The following PPFIBP1 variants were observed in gnomAD, a reference collection of about 807,000 sequenced individuals.
PPFIBP1 encodes the protein PPFIB scaffold protein 1.
A neutral mutation model predicts 137.8 loss-of-function variants in PPFIBP1; 112 were observed. That is an observed-to-expected ratio of 0.81 (90% CI 0.70 to 0.95). The LOEUF (loss-of-function observed/expected upper bound fraction) is 0.95. Among genes scored for constraint, PPFIBP1 ranks in the 40% least tolerant of loss-of-function variants. The pLI is 0.00. For synonymous variants in PPFIBP1, 378 were observed against 417.3 expected, an observed-to-expected ratio of 0.91 and a Z score of 1.15; for missense variants, 1,083 against 1,196.6, an observed-to-expected ratio of 0.91 and a Z score of 1.40.
intron 2 of PPFIBP1, chr12:27,593,954 G>C: frequency 1.4e-6 from 2 of 1,456,520 alleles, no homozygotes; most frequent in Admixed American, 2.6e-5. Flanking sequence ...GTCCTCACAG[G>C]GGAAATAGCC....
intron 1 of PPFIBP1, among the ~76,000 whole-genome samples, chr12:27,526,994 TTAAC>T (rs1943831376): frequency 6.6e-6 from 1 of 152,158 alleles, no homozygotes; most frequent in Admixed American, 6.5e-5. Context: ...GGACAGTTAA[TTAAC>T]TGTTTATGTA....
At chr12:27,543,208 G>A (rs1341270455) in intron 1 of PPFIBP1, among the ~76,000 whole-genome samples, 1 of 152,120 alleles carries the variant, frequency 6.6e-6, no homozygotes, top group African/African-American at 2.4e-5. Context: ...TATAATGTGT[G>A]TTTATTTAGG....
intron 1 of PPFIBP1, chr12:27,548,202 A>T (rs1946412330): frequency 6.6e-6 from 1 of 152,186 alleles, no homozygotes; most frequent in African/African-American, 2.4e-5. Flanking sequence ...AATTTTCCCC[A>T]AGCATGAATT....
chr12:27,611,278 G>C (rs1404692269), intron 2 of PPFIBP1, among the ~76,000 whole-genome samples: 1 of 152,140 alleles, frequency 6.6e-6, no homozygotes, highest in Non-Finnish European at 1.5e-5. Context: ...TGAAAGTATT[G>C]GAAAGGTTGG....
chr12:27,582,382 A>AT (rs1332632971), intron 2 of PPFIBP1, among the ~76,000 whole-genome samples: 17 of 152,176 alleles, frequency 1.1e-4, no homozygotes, highest in Admixed American at 3.3e-4. Context: ...GGTCCAAGGC[A>AT]TTTTTTACAC....
chr12:27,579,464 C>T (rs115575667), intron 2 of PPFIBP1, among the ~76,000 whole-genome samples: 2,386 of 152,320 alleles, frequency 0.016, 55 homozygotes, highest in African/African-American at 0.053. Context: ...CAGAAGCAAC[C>T]GGTATCCTGC....
rs993956166 is a variant in PPFIBP1, at chr12:27,630,155, A to G, written c.-35-3207A>G. 1.2e-4 allele frequency among the ~76,000 whole-genome samples: 19 copies of G among 152,094 alleles called. 1 individual carries two copies. The highest frequency in any genetic ancestry group is 1.2e-3 in the Admixed American group (19 of 15,260). ...AAAGAACAAATGATAGATGGGACAA[A>G]CAGAAAAGAAATAGCAGGACAATAG... On this transcript the variant is annotated intron_variant, in intron 2 of 29. Coordinates refer to ENST00000228425, the MANE Select transcript of PPFIBP1 (RefSeq NM_003622.4).
intron 2 of PPFIBP1, among the ~76,000 whole-genome samples, chr12:27,620,598 A>G (rs2056250492): frequency 6.6e-6 from 1 of 152,190 alleles, no homozygotes; most frequent in African/African-American, 2.4e-5. Context: ...ACGGTATATA[A>G]TTAAGAGGAT....
At chr12:27,671,696 G>A in intron 14 of PPFIBP1, 150 bp downstream of exon 14, 1 of 514,028 alleles carries the variant, frequency 1.9e-6, no homozygotes, top group Non-Finnish European at 3.5e-6. Context: ...AATCAGTTCT[G>A]TATTATGGAA....
chr12:27,525,805 A>G (rs1331904389), intron 1 of PPFIBP1, among the ~76,000 whole-genome samples: 1 of 152,214 alleles, frequency 6.6e-6, no homozygotes, highest in Admixed American at 6.5e-5. Context: ...CCAAATGATC[A>G]TTAGGTTTCA....
intron 1 of PPFIBP1, among the ~76,000 whole-genome samples, chr12:27,545,349 G>A (rs557668351): frequency 2.0e-5 from 3 of 152,194 alleles, no homozygotes; most frequent in South Asian, 2.1e-4. Flanking sequence ...AATCCTGCAC[G>A]TTCTGCACGT....
chr12:27,677,030 C>T (rs779326409), intron 18 of PPFIBP1, 34 bp from the exon 19 acceptor site: 17 of 1,613,934 alleles, frequency 1.1e-5, no homozygotes, highest in Admixed American at 5.0e-5. Flanking sequence ...CATTGGGCTG[C>T]GTGTGATTGT....
intron 2 of PPFIBP1, among the ~76,000 whole-genome samples, chr12:27,596,071 T>TACACAC (rs376577510): frequency 0.2 from 26,043 of 130,400 alleles, 3,170 homozygotes; most frequent in East Asian, 0.44. Context: ...TGGGTATAAA[T>TACACAC]ACACACACAC....
intron 13 of PPFIBP1, among the ~76,000 whole-genome samples, chr12:27,669,327 A>G (rs145219589): frequency 6.6e-6 from 1 of 152,354 alleles, no homozygotes; most frequent in Non-Finnish European, 1.5e-5. Flanking sequence ...TGTTAGATAT[A>G]TATTTATATC....
chr12:27,618,868 C>T (rs2056051785), intron 2 of PPFIBP1, among the ~76,000 whole-genome samples: 1 of 152,120 alleles, frequency 6.6e-6, no homozygotes, highest in African/African-American at 2.4e-5. Flanking sequence ...AAGAGTGGGT[C>T]TTTAGTCCTT....
chr12:27,655,015 A>G lies in PPFIBP1; in HGVS notation c.696+201A>G, dbSNP rs566561048. 4.7e-6 allele frequency: 5 copies of G among 1,062,640 alleles called. No individual in the cohort carries two copies. The African/African-American group carries it at 8.0e-5, about 17-fold the overall frequency. The allele number at this position is 1,062,640 out of a possible 1,614,324, so 65.8% of individuals were successfully genotyped here. A position where few individuals can be genotyped will look rare whatever the true frequency, so the allele number is the denominator to read the frequency against. ...TTAAAAACAAGGCTTAACTCATCCGACAGAACATAACCTGCCCTTTCTCTG... is the reference window on the plus strand; with the variant it reads ...TTAAAAACAAGGCTTAACTCATCCGGCAGAACATAACCTGCCCTTTCTCTG... On this transcript the variant is annotated intron_variant, in intron 8 of 29. Transcript: ENST00000228425.
At chr12:27,526,063 A>G (rs1943716388) in intron 1 of PPFIBP1, among the ~76,000 whole-genome samples, 1 of 152,228 alleles carries the variant, frequency 6.6e-6, no homozygotes, top group East Asian at 1.9e-4. Flanking sequence ...GGGAGTACAT[A>G]AAACATACTG....
chr12:27,637,102 C>G (rs1305352047), intron 4 of PPFIBP1: 5 of 152,122 alleles, frequency 3.3e-5, no homozygotes, highest in Admixed American at 3.3e-4. Flanking sequence ...TTATTTTGTT[C>G]TTAGCATTCA....
At chr12:27,577,694 A>T (rs972640667) in intron 1 of PPFIBP1, among the ~76,000 whole-genome samples, 13 of 152,236 alleles carry the variant, frequency 8.5e-5, no homozygotes, top group African/African-American at 3.1e-4. Flanking sequence ...GTATTTCTAC[A>T]TATTTTATAC....
Sources: allele counts gnomAD v4.1 joint callset (sites outside exome capture counted in the v4.1 genomes callset), GRCh38; gene constraint gnomAD v4.1.1; transcripts MANE v1.5; gene names NCBI Gene and HGNC (gene_info 2026-07-23, HGNC 2026-07-21).